The following HMGB1 variants were observed in gnomAD, a reference collection of about 807,000 sequenced individuals.
HMGB1 encodes high mobility group box 1.
For synonymous variants in HMGB1, 81 were observed against 84.0 expected (o/e 0.96, Z 0.19); for missense variants, 79 against 253.5 (o/e 0.31, Z 4.67).
At chr13:30,531,457 A>G (rs1888490854) in intron 1 of HMGB1, among the ~76,000 whole-genome samples, 2 of 150,210 alleles carry the variant, frequency 1.3e-5, no homozygotes, top group African/African-American at 2.5e-5. Flanking sequence ...TGGAAGTGGA[A>G]CTCTCATAAC....
intron 1 of HMGB1, among the ~76,000 whole-genome samples, chr13:30,499,508 TGA>T (rs1278473768): frequency 3.3e-5 from 5 of 152,230 alleles, no homozygotes; most frequent in African/African-American, 4.8e-5. Context: ...TGTTTCAAAC[TGA>T]GTTTCTCTTT....
intron 1 of HMGB1, among the ~76,000 whole-genome samples, chr13:30,495,641 G>C (rs1887594340): frequency 6.6e-6 from 1 of 152,040 alleles, no homozygotes. Flanking sequence ...GCCACGCCTG[G>C]CTAATTTTTT....
rs1312633499 is a variant in HMGB1 at position 30,559,356 on chromosome 13, G to A, written c.-15+57315C>T. Among the ~76,000 whole-genome samples the A allele has an allele frequency of 6.6e-6, 1 of 152,122 alleles. No homozygotes were observed. The highest frequency in any genetic ancestry group is 1.5e-5 in the Non-Finnish European group (1 of 68,026). On this transcript the variant is annotated intron_variant, in intron 1 of 4. Transcript: ENST00000405805. This position sits in a 1 kb window ranked among gnomAD's most constrained non-coding sequence, Gnocchi z 6.6. ...AAGACCATGGCTTATTTTACAGGGTGAACTCCCAATCCCGGTAAGATGGCC... is the reference window on the plus strand; with the variant it reads ...AAGACCATGGCTTATTTTACAGGGTAAACTCCCAATCCCGGTAAGATGGCC...
In HMGB1 at chr13:30,459,428, T is replaced by A. The variant is rs1221127202; in HGVS notation, c.*1929A>T. Reference sequence around the variant, plus strand: ...TGAGCCAGAATTCATTTTAAATGGATCAGAATTATTAATGTTGGTGATTAA... The same window carrying A: ...TGAGCCAGAATTCATTTTAAATGGAACAGAATTATTAATGTTGGTGATTAA... On this transcript the variant is annotated 3_prime_UTR_variant, in exon 5 of 5. Transcript: ENST00000341423. 6.6e-6 allele frequency: 1 copy of A among 152,174 alleles called. No individual in the cohort carries two copies. The highest frequency in any genetic ancestry group is 1.5e-5 in the Non-Finnish European group (1 of 68,026). 9.4% of individuals were successfully genotyped at this position (152,174 alleles called of 1,614,324 possible).
intron 1 of HMGB1, among the ~76,000 whole-genome samples, chr13:30,526,336 C>CTT (rs1888366714): frequency 1.3e-5 from 2 of 152,184 alleles, no homozygotes; most frequent in African/African-American, 4.8e-5. Context: ...GGTTTATAGG[C>CTT]GCAAGCCACT....
At chr13:30,465,758 G>C (rs1886749433) in intron 1 of HMGB1, 38 bp downstream of exon 1, 2 of 979,866 alleles carry the variant, frequency 2.0e-6, no homozygotes, top group South Asian at 4.7e-5. Context: ...GGAGCTGCCG[G>C]AGGCGCTCTC....
At chr13:30,501,855 C>T (rs2137453101) in intron 1 of HMGB1, among the ~76,000 whole-genome samples, 1 of 152,202 alleles carries the variant, frequency 6.6e-6, no homozygotes, top group South Asian at 2.1e-4. Flanking sequence ...ATACCAAATA[C>T]AAATCAAGTC....
intron 1 of HMGB1, among the ~76,000 whole-genome samples, chr13:30,474,620 T>C (rs1887022992): frequency 1.3e-5 from 2 of 151,862 alleles, no homozygotes; most frequent in African/African-American, 4.8e-5. Context: ...AAGGTAGACA[T>C]TGGGCAGGTA....
intron 1 of HMGB1, among the ~76,000 whole-genome samples, chr13:30,503,945 ATACATACATACC>A (rs1020483767): frequency 3.3e-5 from 5 of 152,074 alleles, no homozygotes; most frequent in African/African-American, 1.2e-4. Context: ...AAATAAAGAC[ATACATACATACC>A]TACATACATA....
At chr13:30,611,013 C>CAA (rs1237612164) in intron 1 of HMGB1, among the ~76,000 whole-genome samples, 1 of 152,216 alleles carries the variant, frequency 6.6e-6, no homozygotes, top group Admixed American at 6.5e-5. Context: ...CACTCAGTTA[C>CAA]AATTCAATCA....
At chr13:30,545,341 G>C (rs150291679) in intron 1 of HMGB1, among the ~76,000 whole-genome samples, 1 of 150,816 alleles carries the variant, frequency 6.6e-6, no homozygotes, top group East Asian at 1.9e-4. Context: ...TTAGAGTGCC[G>C]GCTGCTCTAT....
intron 1 of HMGB1, among the ~76,000 whole-genome samples, chr13:30,490,937 C>T (rs76272542): frequency 6.6e-6 from 1 of 152,134 alleles, no homozygotes; most frequent in Admixed American, 6.5e-5. Flanking sequence ...CACTAGATAT[C>T]TTCACCTGCA....
intron 1 of HMGB1, among the ~76,000 whole-genome samples, chr13:30,578,156 C>T (rs1870739730): frequency 6.6e-6 from 1 of 151,948 alleles, no homozygotes; most frequent in South Asian, 2.1e-4. Context: ...GGCCAGCTCC[C>T]ATTCATTCTC....
chr13:30,564,577 C>T (rs1489622777), intron 1 of HMGB1, among the ~76,000 whole-genome samples: 1 of 152,136 alleles, frequency 6.6e-6, no homozygotes, highest in Non-Finnish European at 1.5e-5. Context: ...TTTATAATAC[C>T]TAAAAGTAAT....
At chr13:30,561,996 G>A (rs535402137) in intron 1 of HMGB1, among the ~76,000 whole-genome samples, 25 of 152,242 alleles carry the variant, frequency 1.6e-4, no homozygotes, top group Non-Finnish European at 2.8e-4. Flanking sequence ...GTTAATGATG[G>A]AGTCAGAGAA....
intron 1 of HMGB1, among the ~76,000 whole-genome samples, chr13:30,615,727 G>A (rs544602023): frequency 6.6e-6 from 1 of 152,124 alleles, no homozygotes; most frequent in Non-Finnish European, 1.5e-5. Context: ...TTGGGCCAAA[G>A]ACTTGTATTG....
chr13:30,595,915 A>G (rs997455135), intron 1 of HMGB1, among the ~76,000 whole-genome samples: 2 of 152,206 alleles, frequency 1.3e-5, no homozygotes, highest in African/African-American at 4.8e-5. Context: ...CATTTACACA[A>G]TATTCTACTG....
intron 1 of HMGB1, among the ~76,000 whole-genome samples, chr13:30,481,043 G>A (rs1026182442): frequency 4.7e-5 from 7 of 149,694 alleles, no homozygotes; most frequent in Non-Finnish European, 1.0e-4. Flanking sequence ...CCTCTTGTGT[G>A]TGTTTTTTTT....
chr13:30,502,802 A>C (rs1887764107), intron 1 of HMGB1, among the ~76,000 whole-genome samples: 1 of 151,956 alleles, frequency 6.6e-6, no homozygotes, highest in Admixed American at 6.6e-5. Flanking sequence ...CAGCTTCCCA[A>C]GTAGCTGGGA....
Sources: gnomAD v4.1 joint callset for allele counts (sites outside exome capture counted in the v4.1 genomes callset) on GRCh38, gnomAD v4.1.1 for gene constraint, Gnocchi (gnomAD v3.1) non-coding constraint, MANE v1.5 for transcripts, NCBI Gene and HGNC (gene_info 2026-07-23, HGNC 2026-07-21) for gene names.